The following NAV2 variants were observed in gnomAD, a reference collection of about 807,000 sequenced individuals.
NAV2 encodes helicase, APC down-regulated 1.
Under a neutral mutation model 223.2 loss-of-function variants are expected in NAV2, and 54 were observed. The observed-to-expected ratio is 0.24, with a 90% CI of 0.19 to 0.30. The LOEUF is 0.30. Among genes scored for constraint, NAV2 ranks in the 10% least tolerant of loss-of-function variants. The pLI is 1.00. For missense variants in NAV2, 2,806 were observed against 3,147.5 expected (o/e 0.89, Z 2.60); for synonymous variants, 1,279 against 1,239.3 (o/e 1.03, Z -0.67).
chr11:19,852,022 G>A (rs2152979315), intron 3 of NAV2, among the ~76,000 whole-genome samples: 1 of 152,310 alleles, frequency 6.6e-6, no homozygotes, highest in South Asian at 2.1e-4. Flanking sequence ...AATGCAGGTG[G>A]CCTCCACAAG....
At chr11:19,689,859 A>G (rs541272275) in intron 1 of NAV2, among the ~76,000 whole-genome samples, 2 of 152,226 alleles carry the variant, frequency 1.3e-5, no homozygotes, top group Non-Finnish European at 2.9e-5. Context: ...AAAGATTGCC[A>G]TGGTTGCCAG....
At chr11:19,509,192 C>T (rs991337563) in intron 1 of NAV2, among the ~76,000 whole-genome samples, 2 of 152,162 alleles carry the variant, frequency 1.3e-5, no homozygotes, top group East Asian at 1.9e-4. Flanking sequence ...GATGAGTGAG[C>T]GAGGCAACCC....
chr11:19,531,730 G>A (rs1257628037), intron 1 of NAV2, among the ~76,000 whole-genome samples: 1 of 152,144 alleles, frequency 6.6e-6, no homozygotes, highest in Non-Finnish European at 1.5e-5. Flanking sequence ...TGATTTTTGA[G>A]TTTGGAATTC....
intron 1 of NAV2, among the ~76,000 whole-genome samples, chr11:19,685,440 G>A (rs1244734194): frequency 1.3e-5 from 2 of 152,182 alleles, no homozygotes; most frequent in South Asian, 2.1e-4. Flanking sequence ...ATATCTACTT[G>A]AGCAGGCCTG....
intron 1 of NAV2, among the ~76,000 whole-genome samples, chr11:19,812,595 T>C (rs971305966): frequency 4.6e-5 from 7 of 151,988 alleles, no homozygotes; most frequent in African/African-American, 1.7e-4. Context: ...TAATGAGTCA[T>C]ATGAAGGAAA....
chr11:19,787,800 G>A (rs978928996), intron 1 of NAV2, among the ~76,000 whole-genome samples: 1 of 152,076 alleles, frequency 6.6e-6, no homozygotes, highest in Non-Finnish European at 1.5e-5. Flanking sequence ...ATTTAGAGTG[G>A]GAGAAAGGGA....
chr11:19,907,642 A>C (rs557407127), intron 6 of NAV2, among the ~76,000 whole-genome samples: 1 of 152,320 alleles, frequency 6.6e-6, no homozygotes, highest in East Asian at 1.9e-4. Context: ...GAAAGAAGAT[A>C]CATCTTTTGG....
chr11:19,345,692 C>T, the NAV2 span, among the ~76,000 whole-genome samples: 1 of 152,266 alleles, frequency 6.6e-6, no homozygotes, highest in Non-Finnish European at 1.5e-5. This position sits in a 1 kb window ranked among gnomAD's most constrained non-coding sequence, Gnocchi z 5.2. Flanking sequence ...GGGCGCCCGG[C>T]GCAGTGCTCC....
chr11:19,525,513 G>A (rs1403261129), intron 1 of NAV2, among the ~76,000 whole-genome samples: 6 of 152,150 alleles, frequency 3.9e-5, no homozygotes, highest in African/African-American at 1.2e-4. Flanking sequence ...TCTTCTTTAC[G>A]AAGGTGTTGA....
In NAV2 at chr11:19,602,236, G is replaced by A. The variant is rs190677368; in HGVS notation, c.76-230248G>A. On this transcript the variant is annotated intron_variant, in intron 1 of 37. Coordinates refer to the NAV2 transcript ENST00000360655. ...TCTGTTGCCCAGGCTGGAATGCAGC[G>A]GCGTGACCTCAGCTCACCACAACCT... Among the ~76,000 whole-genome samples the A allele has an allele frequency of 4.9e-3, 727 of 148,382 alleles. 9 individuals are homozygous for A. Among genetic ancestry groups the A allele is most frequent in the African/African-American group, 0.017 (678 of 39,824 alleles).
At chr11:19,375,670 A>G (rs1848618042) in intron 1 of NAV2, among the ~76,000 whole-genome samples, 1 of 152,208 alleles carries the variant, frequency 6.6e-6, no homozygotes, top group South Asian at 2.1e-4. Flanking sequence ...CTACAGAATT[A>G]CATGAAACCC....
chr11:19,924,073 C>T (rs765055622), intron 6 of NAV2, among the ~76,000 whole-genome samples: 2 of 151,954 alleles, frequency 1.3e-5, no homozygotes, highest in Non-Finnish European at 2.9e-5. Context: ...ATGTAAAGGG[C>T]GTGTGTGTGA....
At chr11:19,970,414 T>G (rs2049133539) in intron 10 of NAV2, among the ~76,000 whole-genome samples, 1 of 152,170 alleles carries the variant, frequency 6.6e-6, no homozygotes, top group Non-Finnish European at 1.5e-5. Context: ...AGGGATCCAT[T>G]TGCCTCAGCC....
intron 6 of NAV2, among the ~76,000 whole-genome samples, chr11:19,900,586 T>C (rs2042368576): frequency 6.6e-6 from 1 of 152,056 alleles, no homozygotes; most frequent in Non-Finnish European, 1.5e-5. Context: ...CACAAGTCCA[T>C]CCAGCTTAAA....
chr11:20,036,229 C>T (rs534143060), intron 12 of NAV2, 132 bp downstream of exon 12: 111 of 1,028,270 alleles, frequency 1.1e-4, no homozygotes, highest in African/African-American at 8.9e-4. Flanking sequence ...AGCCTCCTGC[C>T]GCCTCTGCTC....
chr11:19,641,641 T>C (rs1031629908), intron 1 of NAV2, among the ~76,000 whole-genome samples: 1 of 151,868 alleles, frequency 6.6e-6, no homozygotes, highest in Admixed American at 6.6e-5. Flanking sequence ...CAGTGAGCGC[T>C]CACCTTCCGG....
At chr11:20,010,744 T>C (rs1331087390) in intron 11 of NAV2, among the ~76,000 whole-genome samples, 1 of 152,210 alleles carries the variant, frequency 6.6e-6, no homozygotes, top group African/African-American at 2.4e-5. Context: ...TTTTATAGCA[T>C]TGGCTACTTA....
At chr11:19,489,519 T>A (rs1366947922) in intron 1 of NAV2, among the ~76,000 whole-genome samples, 2 of 152,186 alleles carry the variant, frequency 1.3e-5, no homozygotes, top group Admixed American at 1.3e-4. Context: ...CAGTTCTTCA[T>A]CCATTAAATG....
chr11:20,055,777 A>G lies in NAV2; in HGVS notation c.4651A>G (p.Thr1551Ala). The change falls in exon 19 of 38, where the codon ACC becomes GCC. Residue 1551 changes from threonine to alanine, a missense_variant. Physicochemically the swap from Thr to Ala is moderately conservative, Grantham distance 58. Coordinates refer to ENST00000349880, the MANE Select transcript of NAV2 (RefSeq NM_145117.5). ...TATTCCTTTTATTCCAGCGAGTCCCACCACTGTCACCCAGATGAGCTTGTC... is the reference window on the plus strand; with the variant it reads ...TATTCCTTTTATTCCAGCGAGTCCCGCCACTGTCACCCAGATGAGCTTGTC... ...RFNFSQLASP[T>A]TVTQMSLSNP... The G allele has an allele frequency of 6.2e-7, 1 of 1,613,802 alleles. No individual in the cohort carries two copies. The highest frequency in any genetic ancestry group is 1.1e-5 in the South Asian group (1 of 91,038).
Sources: gnomAD v4.1 joint callset for allele counts (sites outside exome capture counted in the v4.1 genomes callset) on GRCh38, gnomAD v4.1.1 for gene constraint, Gnocchi (gnomAD v3.1) non-coding constraint, MANE v1.5 for transcripts, NCBI Gene and HGNC (gene_info 2026-07-23, HGNC 2026-07-21) for gene names.